The following ZFYVE1 variants were observed in gnomAD, a reference collection of about 807,000 sequenced individuals.
ZFYVE1 encodes zinc finger FYVE domain-containing protein 1.
Under a neutral mutation model 74.4 loss-of-function variants are expected in ZFYVE1, and 30 were observed. The observed-to-expected ratio is 0.40, with a 90% CI of 0.30 to 0.55. ZFYVE1 has a LOEUF of 0.55. Among genes scored for constraint, ZFYVE1 ranks in the 20% least tolerant of loss-of-function variants. The probability of loss-of-function intolerance (pLI) is 0.42; values close to 1 mark genes in which losing one functional copy is unlikely to be tolerated. For synonymous variants in ZFYVE1, 335 were observed against 385.1 expected, an observed-to-expected ratio of 0.87 and a Z score of 1.52; for missense variants, 703 against 1,011.6, an observed-to-expected ratio of 0.69 and a Z score of 4.14.
intron 4 of ZFYVE1, among the ~76,000 whole-genome samples, chr14:72,986,575 T>C (rs1231526293): frequency 5.9e-5 from 9 of 151,680 alleles, no homozygotes; most frequent in Non-Finnish European, 1.5e-5. Context: ...TTTTTTTTTT[T>C]TTTTGAGACA....
At position 72,978,084 on chromosome 14, in the gene ZFYVE1, G is replaced by A. The variant is rs764435073; in HGVS notation, c.1518-40C>T. The A allele has an allele frequency of 3.1e-6, 5 of 1,613,534 alleles. No individual in the cohort carries two copies. In the African/African-American group the frequency reaches 6.7e-5, roughly 22 times the overall value. On this transcript the variant is annotated intron_variant, in intron 7 of 11. Transcript: ENST00000556143. ...AATCAATACTGTTACCCAGCCAGGT[G>A]CCTGGGGAGACAAACGCACCAGAAA... is the stretch of plus-strand genomic sequence containing the variant.
intron 2 of ZFYVE1, among the ~76,000 whole-genome samples, chr14:73,019,425 T>A (rs12588808): frequency 0.21 from 29,895 of 145,664 alleles, 3,676 homozygotes; most frequent in East Asian, 0.44. Context: ...AAAAAAAAAA[T>A]CCCTATGTAC....
intron 10 of ZFYVE1, among the ~76,000 whole-genome samples, chr14:72,974,432 A>C (rs933678974): frequency 6.6e-6 from 1 of 152,220 alleles, no homozygotes; most frequent in African/African-American, 2.4e-5. Flanking sequence ...TTTTAAAGTA[A>C]GGCAGAAAGG....
intron 1 of ZFYVE1, among the ~76,000 whole-genome samples, chr14:73,026,221 A>T (rs1894457498): frequency 6.6e-6 from 1 of 152,182 alleles, no homozygotes; most frequent in African/African-American, 2.4e-5. Context: ...AAAACAAATA[A>T]TTTTTCTCTT....
intron 3 of ZFYVE1, 140 bp downstream of exon 3, chr14:72,997,671 T>C: frequency 8.7e-7 from 1 of 1,153,516 alleles, no homozygotes; most frequent in Non-Finnish European, 1.2e-6. Context: ...CACTCCATCC[T>C]CCTTGAAACA....
In ZFYVE1 at chr14:72,969,930, G is replaced by A. The variant is rs1594824679; in HGVS notation, c.*952C>T. On this transcript the variant is annotated 3_prime_UTR_variant, in exon 12 of 12. Coordinates refer to ENST00000556143, the MANE Select transcript of ZFYVE1 (RefSeq NM_021260.4). ...ATGATCGCCCCTCCGAGAGCTAGAG[G>A]GGTTGTGTGTCTGGGAACAAAGGAT... The A allele has an allele frequency of 1.7e-6, 1 of 594,210 alleles. No homozygotes were observed. Among genetic ancestry groups the A allele is most frequent in the East Asian group, 2.8e-5 (1 of 35,712 alleles). 36.8% of individuals were successfully genotyped at this position (594,210 alleles called of 1,614,324 possible).
intron 4 of ZFYVE1, chr14:72,987,041 T>C (rs562443298): frequency 7.9e-6 from 7 of 885,094 alleles, no homozygotes; most frequent in East Asian, 1.2e-4. Context: ...CCAGATGATC[T>C]TGAACTTTAG....
At chr14:72,979,056 A>C in intron 5 of ZFYVE1, 87 bp from the exon 6 acceptor site, 1 of 1,169,018 alleles carries the variant, frequency 8.6e-7, no homozygotes, top group South Asian at 1.2e-5. Flanking sequence ...GCCAGGCACA[A>C]GGCCACGACC....
At chr14:73,010,952 C>T (rs553925534) in intron 2 of ZFYVE1, among the ~76,000 whole-genome samples, 1 of 151,722 alleles carries the variant, frequency 6.6e-6, no homozygotes, top group Admixed American at 6.6e-5. Context: ...TTCTCAATCC[C>T]CAACCCCAAT....
intron 4 of ZFYVE1, 133 bp downstream of exon 4, chr14:72,993,010 A>G (rs2535920): frequency 0.28 from 232,237 of 831,950 alleles, 36,659 homozygotes; most frequent in Non-Finnish European, 0.32. Flanking sequence ...GACTCCATTC[A>G]TGTGCTTCCG....
Position 72,993,204 on chromosome 14 carries a change from A to AACGGGT in ZFYVE1, c.1141_1142insACCCGT (p.Gln380_Leu381insHisPro). Reference sequence around the variant, plus strand: ...AGAACGGGTGGTGTTATTCTCTAGTAGCTGCTCCAAAGCACGCCGAAGCCC... The same window carrying AACGGGT: ...AGAACGGGTGGTGTTATTCTCTAGTAACGGGTGCTGCTCCAAAGCACGCCGAAGCCC... On this transcript the variant is annotated inframe_insertion, in exon 4 of 12. Coordinates refer to ENST00000556143, the MANE Select transcript of ZFYVE1 (RefSeq NM_021260.4). 3 of 1,613,862 alleles carry AACGGGT rather than the reference A, an allele frequency of 1.9e-6. No individual in the cohort carries two copies. The highest frequency in any genetic ancestry group is 2.5e-6 in the Non-Finnish European group (3 of 1,179,954).
At chr14:73,010,765 A>G in intron 2 of ZFYVE1, among the ~76,000 whole-genome samples, 1 of 98,190 alleles carries the variant, frequency 1.0e-5, no homozygotes, top group South Asian at 5.4e-4. Flanking sequence ...GCAAGACTCC[A>G]TCTAAAAAAA....
At chr14:72,972,500 C>T (rs370586360) in intron 11 of ZFYVE1, among the ~76,000 whole-genome samples, 1 of 152,214 alleles carries the variant, frequency 6.6e-6, no homozygotes, top group East Asian at 1.9e-4. Context: ...CATCTACTCA[C>T]TTTGTGAGCT....
chr14:72,982,960 C>G (rs1194620545), intron 4 of ZFYVE1, among the ~76,000 whole-genome samples: 1 of 152,094 alleles, frequency 6.6e-6, no homozygotes, highest in Non-Finnish European at 1.5e-5. Flanking sequence ...TCCCCTGCCT[C>G]AGCCTCCCAA....
intron 4 of ZFYVE1, among the ~76,000 whole-genome samples, chr14:72,985,551 C>T (rs1222811382): frequency 1.3e-5 from 2 of 151,312 alleles, no homozygotes; most frequent in Non-Finnish European, 2.9e-5. Context: ...AGGCTGGTCT[C>T]GAACTCCTGA....
At position 72,969,936 on chromosome 14, in the gene ZFYVE1, T is replaced by C; in HGVS notation, c.*946A>G. 1.7e-6 allele frequency: 1 copy of C among 591,900 alleles called. No individual in the cohort carries two copies. The highest frequency in any genetic ancestry group is 3.1e-5 in the Admixed American group (1 of 32,326). The allele number at this position is 591,900 out of a possible 1,614,324, so 36.7% of individuals were successfully genotyped here. ...GCCCCTCCGAGAGCTAGAGGGGTTG[T>C]GTGTCTGGGAACAAAGGATTAAGAC... On this transcript the variant is annotated 3_prime_UTR_variant, in exon 12 of 12. Transcript: ENST00000556143.
chr14:72,971,945 G>A (rs1384749174), intron 11 of ZFYVE1, among the ~76,000 whole-genome samples: 2 of 152,174 alleles, frequency 1.3e-5, no homozygotes, highest in African/African-American at 2.4e-5. Context: ...GCTAAGGCTG[G>A]GCATGGTGGC....
intron 2 of ZFYVE1, among the ~76,000 whole-genome samples, chr14:73,011,891 A>T (rs149074350): frequency 0.013 from 2,006 of 151,644 alleles, 24 homozygotes; most frequent in Middle Eastern, 0.031. Flanking sequence ...TATATATATA[A>T]AATGCATAAG....
chr14:72,974,641 G>C, intron 10 of ZFYVE1, 138 bp downstream of exon 10: 1 of 1,128,976 alleles, frequency 8.9e-7, no homozygotes, highest in South Asian at 1.7e-5. Context: ...AAGGAGCTTA[G>C]AGGCTGACTG....
Sources: gnomAD v4.1 joint callset for allele counts (sites outside exome capture counted in the v4.1 genomes callset) on GRCh38, gnomAD v4.1.1 for gene constraint, MANE v1.5 for transcripts, NCBI Gene and HGNC (gene_info 2026-07-23, HGNC 2026-07-21) for gene names.